The following ANKFN1 variants were observed in gnomAD, a reference collection of about 807,000 sequenced individuals.
ANKFN1 encodes the protein ankyrin repeat and fibronectin type-III domain-containing protein 1.
ANKFN1 carries 74 observed loss-of-function variants against 108.7 expected under a neutral mutation model. The ratio of observed to expected loss-of-function variants is 0.68; its 90% CI spans 0.56 to 0.83. The LOEUF is 0.83. ANKFN1 is among the 40% of genes least tolerant of loss of function. The pLI, the probability that ANKFN1 is intolerant of heterozygous loss-of-function variation, is 0.00. For synonymous variants in ANKFN1, 547 were observed against 516.2 expected, an observed-to-expected ratio of 1.06 and a Z score of -0.81; for missense variants, 1,505 against 1,382.3, an observed-to-expected ratio of 1.09 and a Z score of -1.41.
chr17:56,433,719 G>T (rs534700403), intron 8 of ANKFN1, among the ~76,000 whole-genome samples: 13 of 152,142 alleles, frequency 8.5e-5, no homozygotes, highest in Admixed American at 2.6e-4. Context: ...ACCACAAATA[G>T]GGTGCAGTGT....
chr17:56,276,897 G>A (rs1290662695), intron 3 of ANKFN1, among the ~76,000 whole-genome samples: 3 of 152,064 alleles, frequency 2.0e-5, no homozygotes, highest in African/African-American at 7.3e-5. Flanking sequence ...TGAATGAGAT[G>A]ATTTTTTTTG....
At chr17:56,423,841 G>T (rs1327431225) in intron 8 of ANKFN1, among the ~76,000 whole-genome samples, 2 of 152,124 alleles carry the variant, frequency 1.3e-5, no homozygotes, top group South Asian at 4.2e-4. Context: ...TGCATGCTGG[G>T]CTATGATAAT....
chr17:56,213,523 A>C (rs1396884790), intron 2 of ANKFN1, among the ~76,000 whole-genome samples: 2 of 152,166 alleles, frequency 1.3e-5, no homozygotes, highest in African/African-American at 4.8e-5. Flanking sequence ...CTCCACCTCA[A>C]GGAAAACAGA....
intron 8 of ANKFN1, among the ~76,000 whole-genome samples, chr17:56,376,642 A>T (rs2074340823): frequency 6.6e-6 from 1 of 152,186 alleles, no homozygotes; most frequent in Admixed American, 6.5e-5. Flanking sequence ...ACTGTCAGCA[A>T]TTTAATACTT....
At chr17:56,112,066 G>A (rs922790920) in intron 4 of ANKFN1, among the ~76,000 whole-genome samples, 2 of 152,180 alleles carry the variant, frequency 1.3e-5, no homozygotes, top group Admixed American at 6.5e-5. Context: ...ATTTGTTCAT[G>A]CAAGGCTTTA....
chr17:56,498,908 G>T lies in ANKFN1; in HGVS notation c.2454G>T (p.Met818Ile). Residue 818 changes from methionine (M) to isoleucine (I), a missense_variant, in exon 20 of 21, where the codon ATG (methionine) becomes ATT (isoleucine). Physicochemically the swap from Met to Ile is conservative, Grantham distance 10. Coordinates refer to ENST00000682825, the MANE Select transcript of ANKFN1 (RefSeq NM_001370326.1). ...AAATAGATGAAGTCTGGCGTGAAAT[G>T]AGATGGATCATGGATGCTCTACAGT... ...IQQIDEVWREMRWIMDALQYA... is the reference protein window; with the variant it reads ...IQQIDEVWREIRWIMDALQYA... 1 of 1,535,642 alleles carries T rather than the reference G, an allele frequency of 6.5e-7. No individual in the cohort carries two copies. Among genetic ancestry groups the T allele is most frequent in the Non-Finnish European group, 8.7e-7 (1 of 1,146,556 alleles).
Position 56,147,276 on chromosome 17 carries a change from C to T in ANKFN1, c.289-80641C>T, listed in dbSNP as rs149925691. On this transcript the variant is annotated intron_variant, in intron 4 of 12. Transcript: ENST00000635860. ...ACTGTTCCAGCCTCTGCCTGTTACCCAGTTCCAAAGTCCCTTCCACATTTT... is the reference window on the plus strand; with the variant it reads ...ACTGTTCCAGCCTCTGCCTGTTACCTAGTTCCAAAGTCCCTTCCACATTTT... Among the ~76,000 whole-genome samples, 5 of 152,316 alleles carry T rather than the reference C, an allele frequency of 3.3e-5. No homozygotes were observed. The East Asian group carries it at 9.7e-4, about 29-fold the overall frequency.
intron 8 of ANKFN1, among the ~76,000 whole-genome samples, chr17:56,411,723 T>C (rs1353118347): frequency 6.6e-6 from 1 of 152,196 alleles, no homozygotes; most frequent in Non-Finnish European, 1.5e-5. Context: ...GACAAGTGCT[T>C]TTACTGTATC....
At chr17:56,184,025 T>C (rs1351957099) in intron 1 of ANKFN1, among the ~76,000 whole-genome samples, 2 of 152,212 alleles carry the variant, frequency 1.3e-5, no homozygotes, top group Non-Finnish European at 1.5e-5. Context: ...TTGGTGAATA[T>C]GCTGTGAACG....
chr17:56,399,342 T>G (rs541607897), intron 8 of ANKFN1, among the ~76,000 whole-genome samples: 6 of 151,864 alleles, frequency 4.0e-5, no homozygotes, highest in Non-Finnish European at 8.8e-5. Flanking sequence ...AGAAAAAAAC[T>G]CAACCTCACT....
At chr17:56,087,431 G>T (rs928150414) in intron 4 of ANKFN1, among the ~76,000 whole-genome samples, 1 of 151,226 alleles carries the variant, frequency 6.6e-6, no homozygotes, top group African/African-American at 2.4e-5. Context: ...CTTTATCCGG[G>T]CAGTGTCTCT....
chr17:56,221,587 T>A (rs1915896892), intron 2 of ANKFN1, among the ~76,000 whole-genome samples: 1 of 152,186 alleles, frequency 6.6e-6, no homozygotes, highest in South Asian at 2.1e-4. Flanking sequence ...TCAAATATTC[T>A]TATAGCAATC....
intron 3 of ANKFN1, among the ~76,000 whole-genome samples, chr17:56,237,590 C>T (rs966445245): frequency 3.9e-5 from 6 of 151,922 alleles, no homozygotes; most frequent in East Asian, 1.9e-4. Context: ...TGGTAGTTTC[C>T]GATAGTTATT....
chr17:56,516,257 A>AGTGTGT lies in ANKFN1; in HGVS notation c.*5008_*5013dup, dbSNP rs71139913. Among the ~76,000 whole-genome samples the AGTGTGT allele has an allele frequency of 1.3e-3, 188 of 148,450 alleles. 3 individuals carry two copies. The highest frequency in any genetic ancestry group is 3.2e-3 in the African/African-American group (129 of 40,542). ...GTTTGATGTTTGTGATTTTTAAAAA[A>AGTGTGT]GTGTGTGTGTGTGTGTGTGTGTGTG... On this transcript the variant is annotated 3_prime_UTR_variant, in exon 21 of 21. Transcript: ENST00000682825.
chr17:56,303,955 C>A (rs2044745861), intron 3 of ANKFN1, among the ~76,000 whole-genome samples: 1 of 151,716 alleles, frequency 6.6e-6, no homozygotes, highest in South Asian at 2.1e-4. Context: ...CTTGGCCTCC[C>A]AAAGTGCTGG....
intron 1 of ANKFN1, among the ~76,000 whole-genome samples, chr17:56,170,807 T>TATACACACACACACACACACACAC (rs1361307404): frequency 1.9e-3 from 117 of 61,348 alleles, no homozygotes; most frequent in East Asian, 4.9e-3. Context: ...TATATATATA[T>TATACACACACACACACACACACAC]ACACACACAC....
intron 6 of ANKFN1, among the ~76,000 whole-genome samples, chr17:56,363,744 G>A (rs1424344161): frequency 2.6e-5 from 4 of 152,084 alleles, no homozygotes; most frequent in African/African-American, 9.7e-5. Context: ...ATACTATTCA[G>A]CCTTTAAAAA....
At chr17:56,354,262 T>TA (rs1181351953) in intron 6 of ANKFN1, among the ~76,000 whole-genome samples, 1 of 152,192 alleles carries the variant, frequency 6.6e-6, no homozygotes, top group Admixed American at 6.5e-5. Flanking sequence ...CGAATGGCAT[T>TA]AAAAAGGAAC....
chr17:56,139,862 G>A (rs1035786233), intron 4 of ANKFN1, among the ~76,000 whole-genome samples: 6 of 152,022 alleles, frequency 3.9e-5, no homozygotes, highest in African/African-American at 9.7e-5. Context: ...GGTTTTATAC[G>A]TTTCTTCATA....
Sources: gnomAD v4.1 joint callset for allele counts (sites outside exome capture counted in the v4.1 genomes callset) on GRCh38, gnomAD v4.1.1 for gene constraint, MANE v1.5 for transcripts, NCBI Gene and HGNC (gene_info 2026-07-23, HGNC 2026-07-21) for gene names.